The following PRKCE variants were observed in gnomAD, a reference collection of about 807,000 sequenced individuals.
PRKCE encodes protein kinase C epsilon type.
A neutral mutation model predicts 85.4 loss-of-function variants in PRKCE; 16 were observed. The observed-to-expected ratio is 0.19, with a 90% CI of 0.13 to 0.28. The LOEUF (loss-of-function observed/expected upper bound fraction) is 0.28. PRKCE is among the 10% of genes least tolerant of loss of function. The probability of loss-of-function intolerance (pLI) is 1.00; values close to 1 mark genes in which losing one functional copy is unlikely to be tolerated. For missense variants in PRKCE, 573 were observed against 975.2 expected (o/e 0.59, Z 5.49); for synonymous variants, 388 against 371.5 (o/e 1.04, Z -0.51).
At chr2:45,670,090 G>A (rs1043710528) in intron 1 of PRKCE, among the ~76,000 whole-genome samples, 9 of 152,106 alleles carry the variant, frequency 5.9e-5, no homozygotes, top group African/African-American at 9.7e-5. Context: ...GATGTGTGAC[G>A]CACTAATATT....
intron 1 of PRKCE, among the ~76,000 whole-genome samples, chr2:45,744,413 TTTTC>T (rs1164620024): frequency 0.069 from 8,135 of 117,074 alleles, 844 homozygotes; most frequent in Non-Finnish European, 0.094. Context: ...CTTTCTTTTC[TTTTC>T]TTTCTTTCTT....
At chr2:45,856,555 G>A (rs562644984) in intron 2 of PRKCE, among the ~76,000 whole-genome samples, 32 of 152,222 alleles carry the variant, frequency 2.1e-4, no homozygotes, top group African/African-American at 7.7e-4. Flanking sequence ...CCTGTTAATA[G>A]CATTCAAGGT....
In PRKCE at chr2:45,943,883, A is replaced by G. The variant is rs141414569; in HGVS notation, c.413-32546A>G. Among the ~76,000 whole-genome samples the G allele has an allele frequency of 1.3e-3, 196 of 152,312 alleles. 2 individuals carry two copies. The highest frequency in any genetic ancestry group is 4.6e-3 in the African/African-American group (191 of 41,560). ...CGCGCAGTGAAACTGCCCAGTCTAGATCATCAACGCAGGATTGTTTAAGTT... is the reference window on the plus strand; with the variant it reads ...CGCGCAGTGAAACTGCCCAGTCTAGGTCATCAACGCAGGATTGTTTAAGTT... On this transcript the variant is annotated intron_variant, in intron 2 of 14. Coordinates refer to ENST00000306156, the MANE Select transcript of PRKCE (RefSeq NM_005400.3).
chr2:46,136,846 A>G (rs530818666), intron 11 of PRKCE, among the ~76,000 whole-genome samples: 31 of 152,334 alleles, frequency 2.0e-4, no homozygotes, highest in African/African-American at 7.5e-4. Flanking sequence ...CTATGCTAAA[A>G]GTCTCAGTCA....
At chr2:46,103,281 A>G (rs1191824699) in intron 11 of PRKCE, among the ~76,000 whole-genome samples, 1 of 152,096 alleles carries the variant, frequency 6.6e-6, no homozygotes, top group African/African-American at 2.4e-5. Context: ...GCACTTTCTT[A>G]CTTTCTGGTA....
intron 1 of PRKCE, among the ~76,000 whole-genome samples, chr2:45,759,979 T>C (rs1684326146): frequency 6.6e-6 from 1 of 152,162 alleles, no homozygotes; most frequent in Non-Finnish European, 1.5e-5. Flanking sequence ...AGTCTTAGCT[T>C]AGGTCCCAGT....
chr2:46,055,862 C>T (rs1666533570), intron 10 of PRKCE, among the ~76,000 whole-genome samples: 1 of 152,132 alleles, frequency 6.6e-6, no homozygotes, highest in Admixed American at 6.6e-5. Flanking sequence ...GGGGTTTTGC[C>T]ATGTTGCCCA....
intron 2 of PRKCE, among the ~76,000 whole-genome samples, chr2:45,925,292 AT>A (rs1698528298): frequency 6.8e-6 from 1 of 147,308 alleles, no homozygotes; most frequent in Non-Finnish European, 1.5e-5. Context: ...AGCATGCTGT[AT>A]TTTTTATTTA....
intron 2 of PRKCE, among the ~76,000 whole-genome samples, chr2:45,889,987 A>G (rs1695599216): frequency 6.6e-6 from 1 of 152,196 alleles, no homozygotes; most frequent in Admixed American, 6.5e-5. Flanking sequence ...AAAGCACTCT[A>G]GTAAATGGAG....
chr2:45,778,801 G>A (rs1685958726), intron 1 of PRKCE, among the ~76,000 whole-genome samples: 1 of 152,180 alleles, frequency 6.6e-6, no homozygotes, highest in South Asian at 2.1e-4. Context: ...GGGAGCTCAA[G>A]GTGTGACCTT....
At chr2:45,945,611 C>G (rs1558869197) in intron 2 of PRKCE, among the ~76,000 whole-genome samples, 1 of 152,178 alleles carries the variant, frequency 6.6e-6, no homozygotes. Flanking sequence ...TGAGCACATG[C>G]TATGTACCAG....
chr2:45,746,631 A>G (rs1683158069), intron 1 of PRKCE, among the ~76,000 whole-genome samples: 1 of 152,164 alleles, frequency 6.6e-6, no homozygotes, highest in Non-Finnish European at 1.5e-5. Flanking sequence ...AGGACAAGGT[A>G]TTATATCATT....
intron 1 of PRKCE, among the ~76,000 whole-genome samples, chr2:45,787,220 G>C (rs1402494238): frequency 6.6e-6 from 1 of 152,202 alleles, no homozygotes; most frequent in Non-Finnish European, 1.5e-5. Context: ...CTGAGTGCAG[G>C]CTCGGAAGCT....
intron 6 of PRKCE, among the ~76,000 whole-genome samples, chr2:45,987,605 C>A (rs1438956892): frequency 6.6e-6 from 1 of 151,912 alleles, no homozygotes; most frequent in East Asian, 1.9e-4. Flanking sequence ...CTCCCCCCAC[C>A]AGCATCCCCA....
intron 11 of PRKCE, among the ~76,000 whole-genome samples, chr2:46,087,365 G>T (rs1038205364): frequency 1.2e-4 from 19 of 152,108 alleles, no homozygotes; most frequent in Non-Finnish European, 2.8e-4. Flanking sequence ...TTATATAAAG[G>T]TTGGTAGGTT....
At chr2:46,105,753 A>G (rs189196904) in intron 11 of PRKCE, among the ~76,000 whole-genome samples, 7 of 152,328 alleles carry the variant, frequency 4.6e-5, no homozygotes, top group East Asian at 3.9e-4. Flanking sequence ...TTTTAAGCAG[A>G]TACTCACAAC....
At chr2:45,886,679 G>C (rs943376190) in intron 2 of PRKCE, among the ~76,000 whole-genome samples, 1 of 152,158 alleles carries the variant, frequency 6.6e-6, no homozygotes, top group African/African-American at 2.4e-5. Context: ...CCTTTCTAAT[G>C]CTTGGCTATA....
At chr2:46,016,723 A>G (rs1239321475) in intron 10 of PRKCE, among the ~76,000 whole-genome samples, 1 of 152,080 alleles carries the variant, frequency 6.6e-6, no homozygotes, top group African/African-American at 2.4e-5. Context: ...AGCCTGACCA[A>G]TTTGATGATA....
At chr2:45,663,619 T>A (rs572901834) in intron 1 of PRKCE, among the ~76,000 whole-genome samples, 4 of 152,114 alleles carry the variant, frequency 2.6e-5, no homozygotes, top group Admixed American at 1.3e-4. Flanking sequence ...CCATCTCTAC[T>A]AAAAATACAA....
Sources: allele counts gnomAD v4.1 joint callset (sites outside exome capture counted in the v4.1 genomes callset), GRCh38; gene constraint gnomAD v4.1.1; transcripts MANE v1.5; gene names NCBI Gene and HGNC (gene_info 2026-07-23, HGNC 2026-07-21).